PPP2R5C: variants seen among roughly 807,000 people sequenced by gnomAD.
PPP2R5C encodes protein phosphatase 2 regulatory subunit B'gamma, also known as serine/threonine-protein phosphatase 2A 56 kDa regulatory subunit gamma isoform.
Under a neutral mutation model 68.9 loss-of-function variants are expected in PPP2R5C, and 7 were observed. That is an observed-to-expected ratio of 0.10 (90% CI 0.06 to 0.19). The LOEUF (loss-of-function observed/expected upper bound fraction) is 0.19, where lower values mean the gene tolerates loss of function less well. Among genes scored for constraint, PPP2R5C ranks in the 10% least tolerant of loss-of-function variants. The pLI is 1.00. For missense variants in PPP2R5C, 348 were observed against 641.3 expected (o/e 0.54, Z 4.94); for synonymous variants, 210 against 222.2 (o/e 0.95, Z 0.49).
chr14:101,840,629 C>A (rs1295162206), intron 1 of PPP2R5C, among the ~76,000 whole-genome samples: 1 of 151,950 alleles, frequency 6.6e-6, no homozygotes. Flanking sequence ...ACAGATTGGC[C>A]CCCCCATGAC....
chr14:101,774,179 G>A (rs1298202553), intron 2 of PPP2R5C, among the ~76,000 whole-genome samples: 1 of 152,242 alleles, frequency 6.6e-6, no homozygotes, highest in Non-Finnish European at 1.5e-5. Flanking sequence ...ATGAGGCACT[G>A]GCACAGCTGG....
intron 1 of PPP2R5C, among the ~76,000 whole-genome samples, chr14:101,834,945 T>C (rs1405772041): frequency 6.6e-6 from 1 of 152,226 alleles, no homozygotes; most frequent in Non-Finnish European, 1.5e-5. Context: ...GGCCAGACTT[T>C]AGCTTTGCTC....
intron 1 of PPP2R5C, among the ~76,000 whole-genome samples, chr14:101,847,723 C>T (rs1441851240): frequency 5.7e-5 from 8 of 140,460 alleles, no homozygotes; most frequent in Non-Finnish European, 1.0e-4. Context: ...AGTGTGGTGG[C>T]GTGATCTCAG....
In PPP2R5C at chr14:101,877,239, G is replaced by A. The variant is rs926220335; in HGVS notation, c.295-4922G>A. On this transcript the variant is annotated intron_variant, in intron 2 of 13. Coordinates refer to ENST00000334743, the Ensembl canonical transcript of PPP2R5C. The surrounding 1 kb of genome is among the most constrained non-coding windows in gnomAD (Gnocchi z 4.2). Reference sequence around the variant, plus strand: ...GCTGGGATTACAGGCATGAGTCACCGCGCCTGGCCTTTACCCTTTCCAATG... The same window carrying A: ...GCTGGGATTACAGGCATGAGTCACCACGCCTGGCCTTTACCCTTTCCAATG... Among the ~76,000 whole-genome samples, 2 of 152,062 alleles carry A rather than the reference G, an allele frequency of 1.3e-5. No homozygotes were observed. The highest frequency in any genetic ancestry group is 4.8e-5 in the African/African-American group (2 of 41,398).
chr14:101,917,795 G>C lies in PPP2R5C; in HGVS notation c.1327-36G>C, dbSNP rs1441193713. The C allele has an allele frequency of 6.2e-7, 1 of 1,611,418 alleles. No homozygotes were observed. The highest frequency in any genetic ancestry group is 1.7e-5 in the Admixed American group (1 of 59,908). On this transcript the variant is annotated intron_variant, in intron 12 of 13. Transcript: ENST00000334743. The surrounding 1 kb of genome is among the most constrained non-coding windows in gnomAD (Gnocchi z 4.4). ...GAGAAGCTTGGAGTTCAGAGCCTGG[G>C]CACCTAACAGAGCGACTCCACGCTT...
intron 1 of PPP2R5C, among the ~76,000 whole-genome samples, chr14:101,814,462 C>T (rs1177982309): frequency 1.3e-5 from 2 of 152,208 alleles, no homozygotes; most frequent in Non-Finnish European, 2.9e-5. Context: ...AGTCTGTACA[C>T]CTTTTTGTTC....
chr14:101,841,669 G>T (rs576216457), intron 1 of PPP2R5C, among the ~76,000 whole-genome samples: 1 of 152,338 alleles, frequency 6.6e-6, no homozygotes, highest in Admixed American at 6.5e-5. Flanking sequence ...AAACCTTCCA[G>T]TCGCAGACAC....
upstream of PPP2R5C, chr14:101,760,737 G>C (rs1240095485): frequency 7.1e-5 from 62 of 870,346 alleles, no homozygotes; most frequent in African/African-American, 1.5e-3. Context: ...GTGAGGGGAG[G>C]GGCTGGTCGA....
At chr14:101,851,539 T>C (rs1360404368) in intron 1 of PPP2R5C, among the ~76,000 whole-genome samples, 1 of 152,234 alleles carries the variant, frequency 6.6e-6, no homozygotes, top group East Asian at 1.9e-4. Context: ...TAGTGAATAT[T>C]ACGTGAGTGA....
At chr14:101,885,082 G>A (rs1566939142) in intron 5 of PPP2R5C, among the ~76,000 whole-genome samples, 1 of 152,212 alleles carries the variant, frequency 6.6e-6, no homozygotes, top group South Asian at 2.1e-4. Flanking sequence ...ACGGTATGAT[G>A]GCGTGTCTCT....
intron 2 of PPP2R5C, among the ~76,000 whole-genome samples, chr14:101,862,329 G>T (rs1183719120): frequency 6.6e-6 from 1 of 152,168 alleles, no homozygotes; most frequent in East Asian, 1.9e-4. Context: ...ATTTTTAATA[G>T]ATATGATGAA....
At chr14:101,922,865 T>A (rs1213500344) in intron 13 of PPP2R5C, among the ~76,000 whole-genome samples, 1 of 152,148 alleles carries the variant, frequency 6.6e-6, no homozygotes, top group Non-Finnish European at 1.5e-5. Context: ...TAAGAAATGT[T>A]GATTATTTCT....
At chr14:101,798,380 T>A (rs1176371946) in intron 3 of PPP2R5C, among the ~76,000 whole-genome samples, 1 of 152,222 alleles carries the variant, frequency 6.6e-6, no homozygotes, top group Non-Finnish European at 1.5e-5. Flanking sequence ...TCAGAAATAC[T>A]ACCTAGAAAT....
chr14:101,812,759 T>C (rs951380787), intron 1 of PPP2R5C, among the ~76,000 whole-genome samples: 1 of 152,224 alleles, frequency 6.6e-6, no homozygotes. Flanking sequence ...AGGGTTCTAA[T>C]GTGGATATGA....
chr14:101,883,211 C>A lies in PPP2R5C; in HGVS notation c.406-46C>A, dbSNP rs759693035. On this transcript the variant is annotated intron_variant, in intron 3 of 13. Coordinates refer to ENST00000334743, the Ensembl canonical transcript of PPP2R5C. The stretch of plus-strand genomic sequence containing the variant: ...TTTCTGGTATATTTTAACCGCCATT[C>A]AATAAAATCTCATGTTATTTGACTC... The A allele has an allele frequency of 9.0e-6, 12 of 1,328,662 alleles. No homozygotes were observed. In the African/African-American group the frequency reaches 1.8e-4, roughly 20 times the overall value. The allele number at this position is 1,328,662 out of a possible 1,614,324, so 82.3% of individuals were successfully genotyped here.
At position 101,917,809 on chromosome 14, in the gene PPP2R5C, G is replaced by GA; in HGVS notation, c.1327-21dup. 1 of 1,612,716 alleles carries GA rather than the reference G, an allele frequency of 6.2e-7. No homozygotes were observed. The highest frequency in any genetic ancestry group is 8.5e-7 in the Non-Finnish European group (1 of 1,179,184). ...TCAGAGCCTGGGCACCTAACAGAGC[G>GA]ACTCCACGCTTTGCATTGCAGTACA... On this transcript the variant is annotated intron_variant, in intron 12 of 13. Coordinates refer to ENST00000334743, the Ensembl canonical transcript of PPP2R5C. This position sits in a 1 kb window ranked among gnomAD's most constrained non-coding sequence, Gnocchi z 4.4.
chr14:101,810,234 A>G, intron 1 of PPP2R5C: 1 of 589,518 alleles, frequency 1.7e-6, no homozygotes, highest in Non-Finnish European at 3.0e-6. Flanking sequence ...GAGGCTTGAA[A>G]GAGGCCTTGC....
In PPP2R5C at chr14:101,835,013, G is replaced by A. The variant is rs561894808; in HGVS notation, c.95-21673G>A. Among the ~76,000 whole-genome samples the A allele has an allele frequency of 6.6e-6, 1 of 151,908 alleles. No individual in the cohort carries two copies. The highest frequency in any genetic ancestry group is 2.4e-5 in the African/African-American group (1 of 41,426). ...GTGGCTTGGAGAAGTGTTTTGTTTT[G>A]TTTTGTTTACTTTTTAGGAGTGTAT... is the stretch of plus-strand genomic sequence containing the variant. On this transcript the variant is annotated intron_variant, in intron 1 of 13. Transcript: ENST00000334743. This position sits in a 1 kb window ranked among gnomAD's most constrained non-coding sequence, Gnocchi z 5.0.
upstream of PPP2R5C, chr14:101,760,761 T>C (rs185428152): frequency 5.8e-5 from 17 of 295,422 alleles, no homozygotes; most frequent in African/African-American, 1.0e-4. Flanking sequence ...GAGGGGCTGG[T>C]CGAGGGGAGG....
Sources: gnomAD v4.1 joint callset for allele counts (sites outside exome capture counted in the v4.1 genomes callset) on GRCh38, gnomAD v4.1.1 for gene constraint, Gnocchi (gnomAD v3.1) non-coding constraint, MANE v1.5 for transcripts, NCBI Gene and HGNC (gene_info 2026-07-23, HGNC 2026-07-21) for gene names.